Variants in FHIT observed in about 807,000 individuals in gnomAD.
FHIT encodes the protein bis(5'-adenosyl)-triphosphatase.
FHIT carries 19 observed loss-of-function variants against 17.9 expected under a neutral mutation model. The ratio of observed to expected loss-of-function variants is 1.06; its 90% CI spans 0.74 to 1.56. FHIT has a LOEUF of 1.56. Ranked by LOEUF, FHIT falls within the 40% of genes most tolerant of loss-of-function variation. FHIT has a pLI of 0.00. For missense variants in FHIT, 248 were observed against 189.2 expected (o/e 1.31, Z -1.82); for synonymous variants, 81 against 69.7 (o/e 1.16, Z -0.81).
intron 5 of FHIT, among the ~76,000 whole-genome samples, chr3:60,523,120 G>T (rs2035437315): frequency 6.6e-6 from 1 of 152,122 alleles, no homozygotes; most frequent in Admixed American, 6.5e-5. Flanking sequence ...CCATCCCTGT[G>T]ATTCAATTAT....
chr3:59,862,853 G>C (rs1300252192), intron 8 of FHIT, among the ~76,000 whole-genome samples: 2 of 148,786 alleles, frequency 1.3e-5, no homozygotes, highest in Non-Finnish European at 3.0e-5. Context: ...AAAGGAGCCT[G>C]GGTACTTACT....
chr3:60,542,113 G>T (rs375846223), intron 4 of FHIT, among the ~76,000 whole-genome samples: 4 of 151,988 alleles, frequency 2.6e-5, no homozygotes, highest in African/African-American at 7.3e-5. Context: ...TTTTAAATTT[G>T]TATATAAATT....
intron 5 of FHIT, among the ~76,000 whole-genome samples, chr3:60,480,692 G>A (rs796705308): frequency 2.0e-5 from 3 of 152,302 alleles, no homozygotes; most frequent in African/African-American, 7.2e-5. Context: ...GATCTCCTCT[G>A]ACTCCATGGA....
chr3:60,064,042 TTC>T (rs2106938133), intron 5 of FHIT, among the ~76,000 whole-genome samples: 1 of 152,262 alleles, frequency 6.6e-6, no homozygotes, highest in South Asian at 2.1e-4. Context: ...TGTGCATAAT[TTC>T]TTTTTCTGAA....
At chr3:61,120,729 TG>T (rs1372879794) in intron 2 of FHIT, among the ~76,000 whole-genome samples, 3 of 151,932 alleles carry the variant, frequency 2.0e-5, no homozygotes, top group Admixed American at 2.0e-4. Flanking sequence ...GGAACAAAAC[TG>T]GACCAAGAAT....
intron 5 of FHIT, among the ~76,000 whole-genome samples, chr3:60,329,675 T>TA (rs1238588310): frequency 1.3e-5 from 2 of 152,162 alleles, no homozygotes; most frequent in African/African-American, 4.8e-5. Context: ...TCCTGCCTTT[T>TA]CTCAAAAAGA....
intron 7 of FHIT, among the ~76,000 whole-genome samples, chr3:59,967,516 G>T (rs1480977540): frequency 6.6e-6 from 1 of 152,160 alleles, no homozygotes; most frequent in Admixed American, 6.6e-5. Flanking sequence ...ATCTTATAGG[G>T]CCACCTTCAT....
At chr3:60,160,844 G>C (rs1700909280) in intron 5 of FHIT, among the ~76,000 whole-genome samples, 1 of 152,048 alleles carries the variant, frequency 6.6e-6, no homozygotes, top group Admixed American at 6.6e-5. Context: ...GAGAGAGAGA[G>C]AGAGAGGTTA....
chr3:59,851,449 GAGAAGA>G (rs1296187668), intron 8 of FHIT, among the ~76,000 whole-genome samples: 7 of 152,148 alleles, frequency 4.6e-5, no homozygotes, highest in African/African-American at 1.7e-4. Context: ...CAATTTAACA[GAGAAGA>G]AGGCAAAGTG....
intron 5 of FHIT, among the ~76,000 whole-genome samples, chr3:60,226,957 C>T (rs1416020635): frequency 6.6e-6 from 1 of 152,162 alleles, no homozygotes; most frequent in African/African-American, 2.4e-5. Context: ...AATCAAAAGT[C>T]ATTTCCATGC....
chr3:60,060,677 T>C (rs528215229), intron 5 of FHIT, among the ~76,000 whole-genome samples: 7 of 152,272 alleles, frequency 4.6e-5, no homozygotes, highest in South Asian at 2.1e-4. Context: ...ACTCAATACA[T>C]GGGTGTCTTA....
At chr3:60,534,527 AATC>A (rs1315447011) in intron 5 of FHIT, among the ~76,000 whole-genome samples, 1 of 151,558 alleles carries the variant, frequency 6.6e-6, no homozygotes, top group Non-Finnish European at 1.5e-5. Context: ...AAAGTTACAA[AATC>A]ATCACATAAA....
At chr3:59,918,138 C>T (rs1705222125) in intron 8 of FHIT, among the ~76,000 whole-genome samples, 1 of 152,210 alleles carries the variant, frequency 6.6e-6, no homozygotes, top group Non-Finnish European at 1.5e-5. Context: ...AATTGACCGT[C>T]TGAAGAGCAA....
chr3:59,776,273 G>C (rs1702309605), intron 8 of FHIT, among the ~76,000 whole-genome samples: 2 of 152,184 alleles, frequency 1.3e-5, no homozygotes, highest in Admixed American at 1.3e-4. Flanking sequence ...AATGGGCTGT[G>C]GCTTGCACGT....
At chr3:59,912,290 C>T (rs541210439) in intron 8 of FHIT, among the ~76,000 whole-genome samples, 22 of 152,264 alleles carry the variant, frequency 1.4e-4, no homozygotes, top group African/African-American at 4.6e-4. Flanking sequence ...GAAACTAGCC[C>T]AATGCCCCAG....
intron 5 of FHIT, among the ~76,000 whole-genome samples, chr3:60,291,796 G>A (rs1332845298): frequency 6.6e-6 from 1 of 152,056 alleles, no homozygotes; most frequent in Non-Finnish European, 1.5e-5. Context: ...TGGGCACAGT[G>A]ACCCAGAGGA....
At chr3:59,805,195 CAG>C (rs1700149737) in intron 8 of FHIT, among the ~76,000 whole-genome samples, 1 of 152,132 alleles carries the variant, frequency 6.6e-6, no homozygotes, top group African/African-American at 2.4e-5. Context: ...CTTGTGAAGA[CAG>C]AGATAAAGGT....
chr3:60,283,162 C>G (rs541238189), intron 5 of FHIT, among the ~76,000 whole-genome samples: 1 of 152,094 alleles, frequency 6.6e-6, no homozygotes, highest in East Asian at 1.9e-4. Flanking sequence ...CATTCATAAG[C>G]AAGCTAAAAT....
intron 5 of FHIT, among the ~76,000 whole-genome samples, chr3:60,435,406 T>C (rs565673889): frequency 7.3e-5 from 11 of 151,516 alleles, no homozygotes; most frequent in South Asian, 4.2e-4. Context: ...TGATGTACTA[T>C]TGGGGAATTA....
Sources: gnomAD v4.1 joint callset for allele counts (sites outside exome capture counted in the v4.1 genomes callset) on GRCh38, gnomAD v4.1.1 for gene constraint, MANE v1.5 for transcripts, NCBI Gene and HGNC (gene_info 2026-07-23, HGNC 2026-07-21) for gene names.